The following MSTN variants were observed in gnomAD, a reference collection of about 807,000 sequenced individuals.
MSTN encodes myostatin, also known as growth/differentiation factor 8.
MSTN carries 12 observed loss-of-function variants against 32.3 expected under a neutral mutation model. The observed-to-expected ratio is 0.37, with a 90% confidence interval of 0.24 to 0.60. MSTN has a LOEUF of 0.60. Ranked by LOEUF, MSTN falls within the 20% of genes least tolerant of loss-of-function variation. The pLI is 0.67. For missense variants in MSTN, 403 were observed against 450.3 expected (o/e 0.89, Z 0.95); for synonymous variants, 168 against 155.1 (o/e 1.08, Z -0.62).
At position 190,057,452 on chromosome 2, in the gene MSTN, C is replaced by T; in HGVS notation, c.934G>A (p.Glu312Lys). The T allele has an allele frequency of 1.2e-6, 2 of 1,613,564 alleles. No individual in the cohort carries two copies. The highest frequency in any genetic ancestry group is 1.7e-6 in the Non-Finnish European group (2 of 1,179,610). ...KRYKANYCSG[E>K]CEFVFLQKYP... ...TTTTGTAAAAATACAAATTCACACT[C>T]TCCAGAGCAGTAATTGGCCTTATAT... The change falls in exon 3 of 3, where the codon GAG becomes AAG. Residue 312 changes from glutamate (E) to lysine (K), a missense_variant. Glu to Lys is a moderately conservative substitution (Grantham distance 56). Transcript: ENST00000260950.
chr2:190,057,686 C>T (rs1685475068), intron 2 of MSTN, 48 bp from the exon 3 acceptor site: 1 of 1,589,780 alleles, frequency 6.3e-7, no homozygotes, highest in Non-Finnish European at 8.6e-7. Flanking sequence ...GGCCTGGAAA[C>T]ACTTTTCTAC....
chr2:190,061,499 A>G (rs1685592539), intron 1 of MSTN, among the ~76,000 whole-genome samples: 1 of 151,956 alleles, frequency 6.6e-6, no homozygotes, highest in South Asian at 2.1e-4. Flanking sequence ...GAAGTACACA[A>G]ACTGGGTACT....
chr2:190,059,950 CT>C, intron 2 of MSTN, 111 bp downstream of exon 2: 1 of 1,159,704 alleles, frequency 8.6e-7, no homozygotes, highest in South Asian at 1.4e-5. Flanking sequence ...GGTAAGATAC[CT>C]TTGTCTAGCT....
rs912777007 is a variant in MSTN at position 190,060,192 on chromosome 2, A to G, written c.617T>C (p.Ile206Thr). 2.5e-6 allele frequency: 4 copies of G among 1,613,036 alleles called. No individual in the cohort carries two copies. The highest frequency in any genetic ancestry group is 1.1e-5 in the South Asian group (1 of 91,054). Residue 206 changes from isoleucine to threonine, a missense_variant, in exon 2 of 3, where the codon ATT becomes ACT. Physicochemically the swap from Ile to Thr is moderately conservative, Grantham distance 89. Transcript: ENST00000260950. ...MNPGTGIWQSIDVKTVLQNWL... is the reference protein window; with the variant it reads ...MNPGTGIWQSTDVKTVLQNWL... Reference sequence around the variant, plus strand: ...ATTTTGCAACACTGTCTTCACATCAATGCTCTGCCAAATACCAGTGCCTGG... The same window carrying G: ...ATTTTGCAACACTGTCTTCACATCAGTGCTCTGCCAAATACCAGTGCCTGG...
chr2:190,062,669 T>TG lies in MSTN; in HGVS notation c.-74dup. 6.8e-7 allele frequency: 1 copy of TG among 1,480,090 alleles called. No individual in the cohort carries two copies. The highest frequency in any genetic ancestry group is 1.4e-5 in the African/African-American group (1 of 71,224). The allele number at this position is 1,480,090 out of a possible 1,614,324, so 91.7% of individuals were successfully genotyped here. On this transcript the variant is annotated 5_prime_UTR_variant, in exon 1 of 3. Coordinates refer to ENST00000260950, the MANE Select transcript of MSTN (RefSeq NM_005259.3). ...TTACTTTTCTTTTGCTTTTGAGTAA[T>TG]GCCAAGCAAAATTTTAATGCATGTA...
intron 1 of MSTN, 34 bp from the exon 2 acceptor site, chr2:190,060,469 A>AT: frequency 6.3e-7 from 1 of 1,584,162 alleles, no homozygotes; most frequent in Non-Finnish European, 8.6e-7. Flanking sequence ...AGTTGCTGAA[A>AT]TTATTTCCCA....
In MSTN at chr2:190,055,867, T is replaced by C. The variant is rs781576390; in HGVS notation, c.*1391A>G. Reference sequence around the variant, plus strand: ...CAGAAATATATTCATTATCAAATTATAAAATAAAAGTAACAGTTATTGTTG... The same window carrying C: ...CAGAAATATATTCATTATCAAATTACAAAATAAAAGTAACAGTTATTGTTG... On this transcript the variant is annotated 3_prime_UTR_variant, in exon 3 of 3. Coordinates refer to ENST00000260950, the MANE Select transcript of MSTN (RefSeq NM_005259.3). The C allele has an allele frequency of 1.4e-4, 22 of 152,340 alleles. No homozygotes were observed. Among genetic ancestry groups the C allele is most frequent in the Middle Eastern group, 3.4e-3 (1 of 292 alleles). 9.4% of individuals were successfully genotyped at this position (152,340 alleles called of 1,614,324 possible).
Position 190,057,636 on chromosome 2 carries a change from A to T in MSTN, c.750T>A (p.Asn250Lys). 1 of 1,613,106 alleles carries T rather than the reference A, an allele frequency of 6.2e-7. No homozygotes were observed. The highest frequency in any genetic ancestry group is 8.5e-7 in the Non-Finnish European group (1 of 1,179,266). ...TFPGPGEDGL[N>K]PFLEVKVTDT... ...CTGTTACCTTGACCTCTAAAAACGG[A>T]TTCTGTTTGAAAAGGAAAGAACAAT... is the stretch of plus-strand genomic sequence containing the variant. Residue 250 changes from asparagine (N) to lysine (K), a missense_variant and splice_region_variant, in exon 3 of 3, where the codon AAT (asparagine) becomes AAA (lysine). Transcript: ENST00000260950.
chr2:190,059,895 A>T (rs559284069), intron 2 of MSTN, among the ~76,000 whole-genome samples, 167 bp downstream of exon 2: 23 of 151,986 alleles, frequency 1.5e-4, no homozygotes, highest in Non-Finnish European at 3.4e-4. Context: ...TTCATAGGAT[A>T]TGAAATTGGA....
Position 190,062,219 on chromosome 2 carries a change from C to T in MSTN, c.373+5G>A, listed in dbSNP as rs397515373. 13 of 1,612,708 alleles carry T rather than the reference C, an allele frequency of 8.1e-6. No individual in the cohort carries two copies. Among genetic ancestry groups the T allele is most frequent in the South Asian group, 1.1e-5 (1 of 91,046 alleles). On this transcript the variant is annotated splice_donor_5th_base_variant and intron_variant, in intron 1 of 2. Transcript: ENST00000260950. The stretch of plus-strand genomic sequence containing the variant: ...CTGTTGATATACACTAATAGGACTA[C>T]TTACACTCTGTAGGCATGGTAATGA...
At chr2:190,060,018 A>G (rs1317467068) in intron 2 of MSTN, 44 bp downstream of exon 2, 2 of 1,582,746 alleles carry the variant, frequency 1.3e-6, no homozygotes, top group African/African-American at 2.7e-5. Context: ...TATTATGAAT[A>G]AAAACATAAG....
Position 190,062,666 on chromosome 2 carries a change from T to A in MSTN, c.-70A>T. ...CTTTTACTTTTCTTTTGCTTTTGAG[T>A]AATGCCAAGCAAAATTTTAATGCAT... is the stretch of plus-strand genomic sequence containing the variant. On this transcript the variant is annotated 5_prime_UTR_variant, in exon 1 of 3. Transcript: ENST00000260950. 1 of 1,496,352 alleles carries A rather than the reference T, an allele frequency of 6.7e-7. No homozygotes were observed. The highest frequency in any genetic ancestry group is 9.1e-7 in the Non-Finnish European group (1 of 1,097,244). The allele number at this position is 1,496,352 out of a possible 1,614,324, so 92.7% of individuals were successfully genotyped here.
intron 1 of MSTN, 100 bp downstream of exon 1, chr2:190,062,124 C>CA: frequency 7.7e-7 from 1 of 1,299,538 alleles, no homozygotes; most frequent in Middle Eastern, 1.9e-4. Flanking sequence ...ACATACAGGC[C>CA]AACAGCTTGT....
In MSTN at chr2:190,062,365, T is replaced by C; in HGVS notation, c.232A>G (p.Arg78Gly). The C allele has an allele frequency of 2.5e-6, 4 of 1,613,464 alleles. No homozygotes were observed. Among genetic ancestry groups the C allele is most frequent in the Non-Finnish European group, 3.4e-6 (4 of 1,179,604 alleles). Reference protein sequence around the residue: ...TAPNISKDVIRQLLPKAPPLR... With the variant: ...TAPNISKDVIGQLLPKAPPLR... ...GGAGGAGCTTTGGGTAAAAGTTGTCTTATAACATCTTTGCTGATGTTAGGA... is the reference window on the plus strand; with the variant it reads ...GGAGGAGCTTTGGGTAAAAGTTGTCCTATAACATCTTTGCTGATGTTAGGA... Residue 78 changes from arginine (R) to glycine (G), a missense_variant, in exon 1 of 3, where the codon AGA becomes GGA. Physicochemically the swap from Arg to Gly is moderately radical, Grantham distance 125. Coordinates refer to ENST00000260950, the MANE Select transcript of MSTN (RefSeq NM_005259.3).
chr2:190,058,688 A>G (rs1685507853), intron 2 of MSTN, among the ~76,000 whole-genome samples: 2 of 152,014 alleles, frequency 1.3e-5, no homozygotes, highest in Admixed American at 6.6e-5. Context: ...AAAAGAGTAA[A>G]GGAATGTCTT....
chr2:190,061,534 G>A (rs959133626), intron 1 of MSTN, among the ~76,000 whole-genome samples: 1 of 151,846 alleles, frequency 6.6e-6, no homozygotes, highest in South Asian at 2.1e-4. Context: ...TATGGTCAAG[G>A]TACAAGGAGG....
chr2:190,059,963 A>G, intron 2 of MSTN, 99 bp downstream of exon 2: 1 of 1,301,718 alleles, frequency 7.7e-7, no homozygotes, highest in Non-Finnish European at 1.1e-6. Flanking sequence ...TGTCTAGCTT[A>G]TGAGCTTAGG....
Position 190,057,159 on chromosome 2 carries a change from T to G in MSTN, c.*99A>C. On this transcript the variant is annotated 3_prime_UTR_variant, in exon 3 of 3. Transcript: ENST00000260950. ...TTATGCTTAAGTGACTGTAGCATAC[T>G]CTAGGCCTATAGCCTGTGGTACTTA... 2 of 1,312,776 alleles carry G rather than the reference T, an allele frequency of 1.5e-6. No individual in the cohort carries two copies. Among genetic ancestry groups the G allele is most frequent in the Non-Finnish European group, 2.2e-6 (2 of 919,598 alleles). 81.3% of individuals were successfully genotyped at this position (1,312,776 alleles called of 1,614,324 possible). A position where few individuals can be genotyped will look rare whatever the true frequency, so the allele number is the denominator to read the frequency against.
rs1452991573 is a variant in MSTN at position 190,057,178 on chromosome 2, G to A, written c.*80C>T. ...GCATACTCTAGGCCTATAGCCTGTGGTACTTAATTTCACAGCTTCAAAATT... is the reference window on the plus strand; with the variant it reads ...GCATACTCTAGGCCTATAGCCTGTGATACTTAATTTCACAGCTTCAAAATT... On this transcript the variant is annotated 3_prime_UTR_variant, in exon 3 of 3. Coordinates refer to ENST00000260950, the MANE Select transcript of MSTN (RefSeq NM_005259.3). 1.0e-5 allele frequency: 15 copies of A among 1,496,010 alleles called. No homozygotes were observed. The highest frequency in any genetic ancestry group is 1.3e-5 in the Non-Finnish European group (14 of 1,078,298). The allele number at this position is 1,496,010 out of a possible 1,614,324, so 92.7% of individuals were successfully genotyped here.
Sources: gnomAD v4.1 joint callset for allele counts (sites outside exome capture counted in the v4.1 genomes callset) on GRCh38, gnomAD v4.1.1 for gene constraint, MANE v1.5 for transcripts, NCBI Gene and HGNC (gene_info 2026-07-23, HGNC 2026-07-21) for gene names.